The following FAAH2 variants were observed in gnomAD, a reference collection of about 807,000 sequenced individuals.
FAAH2 encodes fatty-acid amide hydrolase 2.
In FAAH2, 60 loss-of-function variants were observed where a neutral mutation model predicts 36.9. The observed-to-expected ratio is 1.63, with a 90% CI of 1.32 to 2.02. The LOEUF (loss-of-function observed/expected upper bound fraction) is 2.02. Ranked by LOEUF, FAAH2 falls within the 30% of genes most tolerant of loss-of-function variation. The probability of loss-of-function intolerance (pLI) is 0.00; values close to 1 mark genes in which losing one functional copy is unlikely to be tolerated. For synonymous variants in FAAH2, 214 were observed against 143.8 expected (o/e 1.49, Z -3.49); for missense variants, 689 against 397.5 (o/e 1.73, Z -6.23).
the FAAH2 span, among the ~76,000 whole-genome samples, chrX:57,254,066 G>A: frequency 9.1e-6 from 1 of 110,090 alleles, no homozygotes; most frequent in South Asian, 3.9e-4. Flanking sequence ...ACACACATAG[G>A]CTCAAAATAA....
chrX:57,380,945 C>T lies in FAAH2; in HGVS notation c.912C>T (p.Asp304=). Residue 304 remains aspartate (D), a synonymous_variant, in exon 7 of 11, where the codon GAC becomes GAT. Transcript: ENST00000374900. ...TAGACACAAAGGTACATTTAAAAGA[C>T]TTAAAATTTTACTGGATGGAACATG... ...LKLDTKVHLK[D]LKFYWMEHDG... is the part of the protein sequence containing the mutation. 1.7e-6 allele frequency: 2 copies of T among 1,199,147 alleles called. No homozygotes were observed. The highest frequency in any genetic ancestry group is 3.5e-5 in the African/African-American group (2 of 57,342).
chrX:57,208,016 G>C, the FAAH2 span, among the ~76,000 whole-genome samples: 1 of 112,606 alleles, frequency 8.9e-6, no homozygotes, highest in Non-Finnish European at 1.9e-5. Flanking sequence ...TTTCCCTGTT[G>C]ATCTGGGGGG....
the FAAH2 span, among the ~76,000 whole-genome samples, chrX:57,161,401 C>T: frequency 5.1e-4 from 56 of 110,839 alleles, no homozygotes; most frequent in South Asian, 0.02. Context: ...CTGAGTTCGG[C>T]TCCTGGATAT....
chrX:57,236,079 T>C, the FAAH2 span, among the ~76,000 whole-genome samples: 1 of 112,213 alleles, frequency 8.9e-6, no homozygotes, highest in Non-Finnish European at 1.9e-5. Context: ...ATTACACCTA[T>C]AAGTGAAATC....
rs1983510164 is a variant in FAAH2 at position 57,470,798 on chromosome X, AG to A, written c.1424-17958del. Among the ~76,000 whole-genome samples the A allele has an allele frequency of 1.1e-4, 12 of 111,360 alleles. 1 individual carries two copies. In the South Asian group the frequency reaches 4.5e-3, roughly 42 times the overall value. On this transcript the variant is annotated intron_variant, in intron 10 of 10. Transcript: ENST00000374900. ...AGCCTGGCAGAGACACAACCAAAAA[AG>A]AATTTTAGACCAATATCCCTGATGA...
chrX:57,479,690 G>A (rs2057341486), intron 10 of FAAH2, among the ~76,000 whole-genome samples: 1 of 111,313 alleles, frequency 9.0e-6, no homozygotes, highest in South Asian at 3.8e-4. Flanking sequence ...AGAGTTTTTA[G>A]CATGAAGAGG....
chrX:57,399,072 T>A (rs1238105827), intron 7 of FAAH2, among the ~76,000 whole-genome samples: 5 of 111,460 alleles, frequency 4.5e-5, no homozygotes, highest in African/African-American at 1.6e-4. Flanking sequence ...CCACGGTAGA[T>A]CTTAGTCATG....
chrX:57,131,374 C>A, the FAAH2 span, among the ~76,000 whole-genome samples: 1 of 111,449 alleles, frequency 9.0e-6, no homozygotes, highest in East Asian at 2.8e-4. Flanking sequence ...CGTGAGCCAC[C>A]GCGCCCGGCC....
chrX:57,251,279 A>G, the FAAH2 span, among the ~76,000 whole-genome samples: 2 of 112,224 alleles, frequency 1.8e-5, no homozygotes, highest in Admixed American at 9.5e-5. Context: ...GATGCAGTGA[A>G]AGCGTTTAAT....
Position 57,448,686 on chromosome X carries a change from C to T in FAAH2, c.1391C>T (p.Pro464Leu). ...ACAGTGGCACCTAAGCATCATGTCC[C>T]TCTAACACGGCCTTTCAACTTTGCT... ...HPTVAPKHHV[P>L]LTRPFNFAYT... The change falls in exon 10 of 11, where the codon CCT becomes CTT. Residue 464 changes from proline (P) to leucine (L), a missense_variant. Coordinates refer to ENST00000374900, the MANE Select transcript of FAAH2 (RefSeq NM_174912.4). 1 of 1,210,504 alleles carries T rather than the reference C, an allele frequency of 8.3e-7. No homozygotes were observed. Among genetic ancestry groups the T allele is most frequent in the Non-Finnish European group, 1.1e-6 (1 of 894,922 alleles).
chrX:57,442,216 G>A (rs901065290), intron 8 of FAAH2, among the ~76,000 whole-genome samples: 7 of 110,904 alleles, frequency 6.3e-5, no homozygotes, highest in African/African-American at 2.3e-4. Context: ...GGGTGTTAAA[G>A]TCTCCCATTA....
upstream of FAAH2, among the ~76,000 whole-genome samples, chrX:57,285,505 C>T (rs1418853066): frequency 2.7e-5 from 3 of 111,792 alleles, no homozygotes; most frequent in Non-Finnish European, 3.8e-5. Flanking sequence ...GTTGTAAGTG[C>T]TATGATTTTG....
Position 57,360,279 on chromosome X carries a change from T to C in FAAH2, c.743-18372T>C, listed in dbSNP as rs1602400123. Among the ~76,000 whole-genome samples the C allele has an allele frequency of 2.7e-5, 3 of 111,260 alleles. No homozygotes were observed. In the Admixed American group the frequency reaches 2.9e-4, roughly 11 times the overall value. On this transcript the variant is annotated intron_variant, in intron 5 of 10. Transcript: ENST00000374900. ...TTCTTCAAATAATTCCTCTTCCCTT[T>C]TACTTTTTTATGGGTATTTCATATG...
At chrX:57,485,764 A>T (rs765422109) in intron 10 of FAAH2, among the ~76,000 whole-genome samples, 22 of 111,943 alleles carry the variant, frequency 2.0e-4, no homozygotes, top group Admixed American at 1.8e-3. Context: ...GAGGTTTATT[A>T]GTTTATTTTG....
the FAAH2 span, among the ~76,000 whole-genome samples, chrX:57,151,988 G>GCTGC: frequency 8.9e-6 from 1 of 111,835 alleles, no homozygotes; most frequent in African/African-American, 3.2e-5. Flanking sequence ...ACAGGACCCT[G>GCTGC]AGGCCTGTTG....
chrX:57,178,131 G>A, the FAAH2 span, among the ~76,000 whole-genome samples: 12 of 111,366 alleles, frequency 1.1e-4, no homozygotes, highest in Non-Finnish European at 1.5e-4. Context: ...TCCCAGCACC[G>A]GCCCTGATGG....
At chrX:57,390,273 C>T (rs895908446) in intron 7 of FAAH2, among the ~76,000 whole-genome samples, 4 of 111,635 alleles carry the variant, frequency 3.6e-5, no homozygotes, top group Middle Eastern at 4.6e-3. Context: ...ACCAATGTCA[C>T]GGAGCTTTTT....
intron 5 of FAAH2, among the ~76,000 whole-genome samples, chrX:57,346,210 C>T (rs964662651): frequency 6.3e-5 from 7 of 111,369 alleles, no homozygotes; most frequent in African/African-American, 2.0e-4. Context: ...CTGTCTAAGG[C>T]TGTCAGTGGG....
rs932632799 is a variant in FAAH2 at position 57,311,630 on chromosome X, G to A, written c.412+901G>A. Among the ~76,000 whole-genome samples the A allele has an allele frequency of 2.7e-5, 3 of 112,023 alleles. No individual in the cohort carries two copies. In the Admixed American group the frequency reaches 2.8e-4, roughly 11 times the overall value. ...GCAGGCCGGGATGACCTCTGACCCAGGAGAGAGCAGAGCCAGCTTCTTCAT... is the reference window on the plus strand; with the variant it reads ...GCAGGCCGGGATGACCTCTGACCCAAGAGAGAGCAGAGCCAGCTTCTTCAT... On this transcript the variant is annotated intron_variant, in intron 3 of 10. Coordinates refer to ENST00000374900, the MANE Select transcript of FAAH2 (RefSeq NM_174912.4).
Sources: allele counts gnomAD v4.1 joint callset (sites outside exome capture counted in the v4.1 genomes callset), GRCh38; gene constraint gnomAD v4.1.1; transcripts MANE v1.5; gene names NCBI Gene and HGNC (gene_info 2026-07-23, HGNC 2026-07-21).